Variants in PALLD observed in about 807,000 individuals in gnomAD.
The protein encoded by PALLD is palladin, cytoskeletal associated protein, also known as palladin.
A neutral mutation model predicts 123.5 loss-of-function variants in PALLD; 61 were observed. The ratio of observed to expected loss-of-function variants is 0.49; its 90% CI spans 0.40 to 0.61. PALLD has a LOEUF of 0.61. Ranked by LOEUF, PALLD falls within the 20% of genes least tolerant of loss-of-function variation. PALLD has a pLI of 0.00. For missense variants in PALLD, 1,273 were observed against 1,377.0 expected, an observed-to-expected ratio of 0.92 and a Z score of 1.20; for synonymous variants, 465 against 496.4, an observed-to-expected ratio of 0.94 and a Z score of 0.84.
intron 14 of PALLD, among the ~76,000 whole-genome samples, chr4:168,899,748 C>G (rs1756050992): frequency 6.6e-6 from 1 of 152,010 alleles, no homozygotes; most frequent in African/African-American, 2.4e-5. Flanking sequence ...GAAACCCCAT[C>G]TCTACTAAAA....
intron 10 of PALLD, among the ~76,000 whole-genome samples, chr4:168,820,465 A>G (rs964229167): frequency 1.1e-4 from 17 of 152,196 alleles, no homozygotes; most frequent in Admixed American, 5.2e-4. Flanking sequence ...ACCTTGTGAA[A>G]CTGCAAGCTA....
intron 14 of PALLD, 148 bp downstream of exon 14, chr4:168,898,862 G>A (rs1755835434): frequency 2.8e-6 from 2 of 708,832 alleles, no homozygotes; most frequent in South Asian, 3.3e-5. Context: ...TTAAGTTCTG[G>A]GCCATCTTCA....
Position 168,690,716 on chromosome 4 carries a change from C to A in PALLD, c.1449C>A (p.Asp483Glu). Residue 483 changes from aspartate to glutamate, a missense_variant, in exon 7 of 22, where the codon GAC becomes GAA. This residue lies in a region of PALLD where 944 missense variants were observed against 954.5 expected (regional missense o/e 0.99). Coordinates refer to ENST00000505667, the MANE Select transcript of PALLD (RefSeq NM_001166108.2). Reference protein sequence around the residue: ...QWFRQGSEIQDSPDFRILQKK... With the variant: ...QWFRQGSEIQESPDFRILQKK... ...TTCGGCAAGGGAGTGAAATCCAAGACTCTCCAGATTTCCGAATTCTACAGA... is the reference window on the plus strand; with the variant it reads ...TTCGGCAAGGGAGTGAAATCCAAGAATCTCCAGATTTCCGAATTCTACAGA... The A allele has an allele frequency of 6.2e-7, 1 of 1,614,196 alleles. No homozygotes were observed. Among genetic ancestry groups the A allele is most frequent in the Non-Finnish European group, 8.5e-7 (1 of 1,180,036 alleles).
chr4:168,583,800 A>G (rs1025191546), intron 2 of PALLD, among the ~76,000 whole-genome samples: 8 of 152,112 alleles, frequency 5.3e-5, no homozygotes, highest in East Asian at 3.9e-4. Flanking sequence ...TGGGTGGCCA[A>G]TGGGACCTTG....
chr4:168,805,487 G>A (rs545774077), intron 10 of PALLD, among the ~76,000 whole-genome samples: 3 of 152,246 alleles, frequency 2.0e-5, no homozygotes, highest in Admixed American at 6.5e-5. Flanking sequence ...GGTCCAATCC[G>A]ATGCTTAAAC....
intron 10 of PALLD, among the ~76,000 whole-genome samples, chr4:168,783,878 C>A (rs1005440744): frequency 2.0e-5 from 3 of 152,074 alleles, no homozygotes; most frequent in Admixed American, 6.6e-5. Context: ...AGGACAATAG[C>A]CAAACTCCCA....
intron 10 of PALLD, among the ~76,000 whole-genome samples, chr4:168,804,506 G>A (rs1010012707): frequency 6.6e-6 from 1 of 152,230 alleles, no homozygotes; most frequent in African/African-American, 2.4e-5. Flanking sequence ...GCCTCTGCCA[G>A]TATGTGATGT....
chr4:168,636,724 C>T (rs929412847), intron 2 of PALLD, among the ~76,000 whole-genome samples: 1 of 152,140 alleles, frequency 6.6e-6, no homozygotes, highest in African/African-American at 2.4e-5. Flanking sequence ...CAGAAGGACT[C>T]TATCTAAACT....
At chr4:168,686,105 GC>G (rs1376477265) in intron 6 of PALLD, among the ~76,000 whole-genome samples, 1 of 151,986 alleles carries the variant, frequency 6.6e-6, no homozygotes, top group Non-Finnish European at 1.5e-5. Context: ...CATATGACAT[GC>G]TTGCAGACTA....
chr4:168,686,970 G>C (rs908764469), intron 6 of PALLD, among the ~76,000 whole-genome samples: 14 of 152,182 alleles, frequency 9.2e-5, no homozygotes, highest in Admixed American at 6.5e-4. Context: ...CAAAGTTTCT[G>C]AATACCTACA....
chr4:168,761,890 G>T (rs920217877), intron 10 of PALLD, among the ~76,000 whole-genome samples: 1 of 151,758 alleles, frequency 6.6e-6, no homozygotes, highest in African/African-American at 2.4e-5. Flanking sequence ...TAGAATTTCA[G>T]TCATTCTTTC....
chr4:168,837,522 A>G (rs1021398835), intron 10 of PALLD, among the ~76,000 whole-genome samples: 4 of 152,234 alleles, frequency 2.6e-5, no homozygotes, highest in African/African-American at 7.2e-5. Flanking sequence ...CCTGGATGCT[A>G]ATGGATATGA....
At chr4:168,665,972 C>T (rs6822472) in intron 2 of PALLD, among the ~76,000 whole-genome samples, 1 of 130,062 alleles carries the variant, frequency 7.7e-6, no homozygotes, top group Non-Finnish European at 1.6e-5. Context: ...GTTCCCCGCC[C>T]CCCACCAAAA....
At chr4:168,801,661 G>A (rs937446878) in intron 10 of PALLD, among the ~76,000 whole-genome samples, 7 of 152,092 alleles carry the variant, frequency 4.6e-5, no homozygotes, top group African/African-American at 1.7e-4. Context: ...CTGCCCCCAA[G>A]TCCCCCAGAT....
intron 10 of PALLD, among the ~76,000 whole-genome samples, chr4:168,729,846 T>C (rs963868721): frequency 3.3e-5 from 5 of 152,172 alleles, no homozygotes; most frequent in Non-Finnish European, 5.9e-5. Flanking sequence ...TTTGGCTAGG[T>C]TTAAGAGTAT....
chr4:168,555,155 A>G (rs71620500), intron 2 of PALLD, among the ~76,000 whole-genome samples: 2,726 of 152,256 alleles, frequency 0.018, 35 homozygotes, highest in Middle Eastern at 0.048. Context: ...TTAAAGATTT[A>G]TACGAATATT....
intron 10 of PALLD, among the ~76,000 whole-genome samples, chr4:168,714,250 T>A (rs1207454868): frequency 6.6e-6 from 1 of 152,152 alleles, no homozygotes; most frequent in Non-Finnish European, 1.5e-5. Context: ...AGTTGTGGTA[T>A]GGTGTATTAT....
At chr4:168,631,564 C>G in intron 2 of PALLD, 1 of 976,756 alleles carries the variant, frequency 1.0e-6, no homozygotes, top group Non-Finnish European at 1.2e-6. Flanking sequence ...TCCCCAGCAG[C>G]CCGGCACTCC....
chr4:168,654,499 A>G (rs576444024), intron 2 of PALLD, among the ~76,000 whole-genome samples: 3 of 152,370 alleles, frequency 2.0e-5, no homozygotes, highest in East Asian at 3.8e-4. Flanking sequence ...TTTCAAAGAA[A>G]AAGATCTAAA....
Sources: gnomAD v4.1 joint callset for allele counts (sites outside exome capture counted in the v4.1 genomes callset) on GRCh38, gnomAD v4.1.1 for gene constraint, gnomAD v4.1.1 regional missense constraint, MANE v1.5 for transcripts, NCBI Gene and HGNC (gene_info 2026-07-23, HGNC 2026-07-21) for gene names.